CADM1: variants seen among roughly 807,000 people sequenced by gnomAD.
The protein encoded by CADM1 is cell adhesion molecule 1, also known as TSLC-1.
In CADM1, 15 loss-of-function variants were observed where a neutral mutation model predicts 53.1. That is an observed-to-expected ratio of 0.28 (90% CI 0.19 to 0.44). The LOEUF (loss-of-function observed/expected upper bound fraction) is 0.44, where lower values mean the gene tolerates loss of function less well. CADM1 is among the 20% of genes least tolerant of loss of function. The pLI, the probability that CADM1 is intolerant of heterozygous loss-of-function variation, is 1.00. For synonymous variants in CADM1, 281 were observed against 243.0 expected (o/e 1.16, Z -1.45); for missense variants, 434 against 611.3 (o/e 0.71, Z 3.06).
chr11:115,391,156 C>A (rs933873580), intron 1 of CADM1, among the ~76,000 whole-genome samples: 5 of 152,170 alleles, frequency 3.3e-5, no homozygotes, highest in Admixed American at 2.6e-4. Flanking sequence ...AATCTTATAA[C>A]CTGTCTGCAT....
chr11:115,245,199 C>T (rs1043999661), intron 1 of CADM1, among the ~76,000 whole-genome samples: 4 of 152,056 alleles, frequency 2.6e-5, no homozygotes, highest in African/African-American at 9.7e-5. Context: ...ATTAGGAAAA[C>T]TAATCATATT....
At chr11:115,223,158 A>T (rs988783612) in intron 5 of CADM1, among the ~76,000 whole-genome samples, 1 of 152,196 alleles carries the variant, frequency 6.6e-6, no homozygotes, top group African/African-American at 2.4e-5. Flanking sequence ...ATAAAATCAG[A>T]TCACGAGTTC....
chr11:115,391,041 C>G (rs970291957), intron 1 of CADM1, among the ~76,000 whole-genome samples: 1 of 152,142 alleles, frequency 6.6e-6, no homozygotes, highest in Non-Finnish European at 1.5e-5. Context: ...TAGAAATGCA[C>G]AGAATAGTCA....
At chr11:115,404,348 T>A (rs56661310) in intron 1 of CADM1, among the ~76,000 whole-genome samples, 2,159 of 15,070 alleles carry the variant, frequency 0.14, 240 homozygotes, top group East Asian at 0.25. Context: ...AAAAAAAAAA[T>A]ATATATATAT....
intron 1 of CADM1, among the ~76,000 whole-genome samples, chr11:115,332,454 G>A (rs909109415): frequency 6.6e-6 from 1 of 152,160 alleles, no homozygotes; most frequent in Non-Finnish European, 1.5e-5. Flanking sequence ...TATTAGTAAA[G>A]CCATCAAAAG....
intron 1 of CADM1, among the ~76,000 whole-genome samples, chr11:115,281,003 AC>A (rs1185322527): frequency 6.6e-6 from 1 of 152,254 alleles, no homozygotes; most frequent in East Asian, 1.9e-4. Context: ...CTCACTAATG[AC>A]AACTGCGAGG....
At chr11:115,480,161 T>C (rs1245602846) in intron 1 of CADM1, among the ~76,000 whole-genome samples, 1 of 152,182 alleles carries the variant, frequency 6.6e-6, no homozygotes, top group Non-Finnish European at 1.5e-5. Context: ...AAAAGATACC[T>C]AAGTCTATTT....
At chr11:115,359,436 T>A (rs1945969663) in intron 1 of CADM1, among the ~76,000 whole-genome samples, 1 of 152,168 alleles carries the variant, frequency 6.6e-6, no homozygotes, top group Non-Finnish European at 1.5e-5. Flanking sequence ...ATATAGTAGA[T>A]ACCCCAATAA....
chr11:115,276,247 T>G (rs1292103435), intron 1 of CADM1, among the ~76,000 whole-genome samples: 1 of 152,250 alleles, frequency 6.6e-6, no homozygotes, highest in African/African-American at 2.4e-5. Flanking sequence ...GCATTTAATT[T>G]CCACTTGCAA....
intron 1 of CADM1, among the ~76,000 whole-genome samples, chr11:115,376,115 T>G (rs1433845351): frequency 1.3e-5 from 2 of 152,190 alleles, no homozygotes; most frequent in Non-Finnish European, 2.9e-5. Context: ...TTGGTGTCAG[T>G]CAAGATTTGA....
At chr11:115,253,478 TCAAA>T (rs1216715269) in intron 1 of CADM1, among the ~76,000 whole-genome samples, 5 of 152,178 alleles carry the variant, frequency 3.3e-5, no homozygotes, top group Non-Finnish European at 5.9e-5. Flanking sequence ...TCATTTGACA[TCAAA>T]CAAAGAAAAG....
intron 1 of CADM1, among the ~76,000 whole-genome samples, chr11:115,309,128 C>T (rs1944466956): frequency 6.6e-6 from 1 of 152,048 alleles, no homozygotes; most frequent in South Asian, 2.1e-4. Context: ...AGCTATAAAT[C>T]ATATCACTAC....
At chr11:115,319,018 A>G (rs1161446592) in intron 1 of CADM1, among the ~76,000 whole-genome samples, 1 of 152,182 alleles carries the variant, frequency 6.6e-6, no homozygotes, top group Non-Finnish European at 1.5e-5. Flanking sequence ...ATCTTGAATT[A>G]GATCCTGTTT....
chr11:115,497,550 A>G (rs1357621675), intron 1 of CADM1, among the ~76,000 whole-genome samples: 1 of 152,220 alleles, frequency 6.6e-6, no homozygotes, highest in East Asian at 1.9e-4. Flanking sequence ...GAGAACCAGC[A>G]CTTGGAAGAT....
intron 1 of CADM1, among the ~76,000 whole-genome samples, chr11:115,250,084 T>A (rs1245954145): frequency 6.6e-6 from 1 of 152,196 alleles, no homozygotes; most frequent in Non-Finnish European, 1.5e-5. Flanking sequence ...TTTGTATTTT[T>A]AGTAGAGATG....
chr11:115,291,369 T>C (rs886690907), intron 1 of CADM1, among the ~76,000 whole-genome samples: 4 of 152,220 alleles, frequency 2.6e-5, no homozygotes, highest in Non-Finnish European at 5.9e-5. Context: ...GTCTGAAAGA[T>C]AGTCTTTTTA....
intron 1 of CADM1, among the ~76,000 whole-genome samples, chr11:115,324,065 ATGAAGGAGAAAAACCC>A (rs1944895852): frequency 6.6e-6 from 1 of 152,130 alleles, no homozygotes; most frequent in African/African-American, 2.4e-5. Flanking sequence ...GCATTCATAT[ATGAAGGAGAAAAACCC>A]TGCATTCTTC....
intron 1 of CADM1, among the ~76,000 whole-genome samples, chr11:115,322,883 AAAT>A (rs887734000): frequency 6.6e-6 from 1 of 152,160 alleles, no homozygotes; most frequent in African/African-American, 2.4e-5. Context: ...ATTACATTAT[AAAT>A]AATAATATAA....
intron 1 of CADM1, among the ~76,000 whole-genome samples, chr11:115,451,349 G>A (rs376404768): frequency 1.3e-5 from 2 of 152,152 alleles, no homozygotes; most frequent in Non-Finnish European, 2.9e-5. Context: ...ATTGATACAG[G>A]TATGTAAGAA....
Sources: gnomAD v4.1 joint callset for allele counts (sites outside exome capture counted in the v4.1 genomes callset) on GRCh38, gnomAD v4.1.1 for gene constraint, MANE v1.5 for transcripts, NCBI Gene and HGNC (gene_info 2026-07-23, HGNC 2026-07-21) for gene names.